The following IFT20 variants were observed in gnomAD, a reference collection of about 807,000 sequenced individuals.
IFT20 encodes intraflagellar transport protein 20 homolog.
Under a neutral mutation model 16.9 loss-of-function variants are expected in IFT20, and 4 were observed. That is an observed-to-expected ratio of 0.24 (90% CI 0.12 to 0.54). The LOEUF (loss-of-function observed/expected upper bound fraction) is 0.54. IFT20 is among the 20% of genes least tolerant of loss of function. IFT20 has a pLI of 0.95. For synonymous variants in IFT20, 48 were observed against 49.9 expected (o/e 0.96, Z 0.16); for missense variants, 154 against 149.7 (o/e 1.03, Z -0.15).
chr17:28,331,155 C>T (rs138903282), intron 2 of IFT20, among the ~76,000 whole-genome samples: 1 of 152,344 alleles, frequency 6.6e-6, no homozygotes, highest in Non-Finnish European at 1.5e-5. Context: ...GCATTAAGTG[C>T]CTAATCTCCC....
At chr17:28,334,444 A>G (rs1416835859) in intron 1 of IFT20, among the ~76,000 whole-genome samples, 1 of 152,252 alleles carries the variant, frequency 6.6e-6, no homozygotes, top group Non-Finnish European at 1.5e-5. Flanking sequence ...ACAGGGAGAC[A>G]ACAGCTGGAT....
chr17:28,334,291 T>C (rs1906985913), intron 1 of IFT20, among the ~76,000 whole-genome samples: 1 of 152,156 alleles, frequency 6.6e-6, no homozygotes, highest in South Asian at 2.1e-4. Flanking sequence ...ACCTAAAGAC[T>C]GTCCAAAAGT....
In IFT20 at chr17:28,328,726, C is replaced by A; in HGVS notation, c.325G>T (p.Val109Phe). ...EKKMQLERYR[V>F]EYEALCKVEA... is the part of the protein sequence containing the mutation. The stretch of plus-strand genomic sequence containing the variant: ...ACTTTACACAAAGCTTCATATTCAA[C>A]CCGATACCTGAAAAACAAAATTGTT... Residue 109 changes from valine to phenylalanine, a missense_variant, in exon 5 of 5, where the codon GTT becomes TTT. Transcript: ENST00000395418. 6.3e-7 allele frequency: 1 copy of A among 1,592,424 alleles called. No individual in the cohort carries two copies. The highest frequency in any genetic ancestry group is 1.4e-5 in the African/African-American group (1 of 73,714).
At chr17:28,330,274 T>C (rs1555576311) in intron 3 of IFT20, 169 bp downstream of exon 3, 1 of 635,640 alleles carries the variant, frequency 1.6e-6, no homozygotes, top group Admixed American at 2.9e-5. Context: ...GAAATAAAGA[T>C]TGGCAAAAGT....
At position 28,331,840 on chromosome 17, in the gene IFT20, G is replaced by GT. The variant is rs1906803864; in HGVS notation, c.127+18dup. On this transcript the variant is annotated intron_variant, in intron 2 of 4. Transcript: ENST00000395418. The stretch of plus-strand genomic sequence containing the variant: ...TGGCAGCTCAAAGCTGAGTGGCACT[G>GT]TATCTCCCCAATACTCACTGTCCAC... 7 of 1,614,132 alleles carry GT rather than the reference G, an allele frequency of 4.3e-6. No homozygotes were observed. The highest frequency in any genetic ancestry group is 5.9e-6 in the Non-Finnish European group (7 of 1,179,974).
intron 3 of IFT20, chr17:28,330,042 G>A (rs1386351810): frequency 5.1e-5 from 25 of 488,500 alleles, no homozygotes; most frequent in African/African-American, 3.2e-4. Flanking sequence ...CCTGGGCAAC[G>A]AGAGAAAACT....
At position 28,331,873 on chromosome 17, in the gene IFT20, T is replaced by C. The variant is rs782532935; in HGVS notation, c.113A>G (p.Lys38Arg). The C allele has an allele frequency of 2.5e-6, 4 of 1,614,186 alleles. No individual in the cohort carries two copies. Among genetic ancestry groups the C allele is most frequent in the East Asian group, 2.2e-5 (1 of 44,874 alleles). Reference protein sequence around the residue: ...QQTIELKEECKDFVDKIGQFQ... With the variant: ...QQTIELKEECRDFVDKIGQFQ... ...CCAATACTCACTGTCCACAAAGTCT[T>C]TGCACTCTTCCTTCAGCTCTATGGT... Residue 38 changes from lysine to arginine, a missense_variant, in exon 2 of 5, where the codon AAA (lysine) becomes AGA (arginine). By Grantham distance (26) the Lys-to-Arg change is conservative. Coordinates refer to ENST00000395418, the MANE Select transcript of IFT20 (RefSeq NM_001267776.2).
At chr17:28,330,057 C>G (rs1453392034) in intron 3 of IFT20, 74 of 488,384 alleles carry the variant, frequency 1.5e-4, no homozygotes, top group Non-Finnish European at 2.6e-4. Flanking sequence ...AAAACTCCGT[C>G]TCAAAAAAAA....
In IFT20 at chr17:28,335,325, C is replaced by G. The variant is rs149487799; in HGVS notation, c.-3+15G>C. 2 of 152,410 alleles carry G rather than the reference C, an allele frequency of 1.3e-5. No individual in the cohort carries two copies. Among genetic ancestry groups the G allele is most frequent in the Non-Finnish European group, 2.9e-5 (2 of 68,100 alleles). 9.4% of individuals were successfully genotyped at this position (152,410 alleles called of 1,614,324 possible). A position where few individuals can be genotyped will look rare whatever the true frequency, so the allele number is the denominator to read the frequency against. On this transcript the variant is annotated intron_variant, in intron 1 of 4. Coordinates refer to ENST00000395418, the MANE Select transcript of IFT20 (RefSeq NM_001267776.2). ...CCCTGGTCCGCCCGCGTCCCCCGAC[C>G]CGAGGTCAGCCTACCTGCCGGCCCC...
intron 3 of IFT20, 185 bp downstream of exon 3, chr17:28,330,250 AATAAAGAT>A (rs1906672935): frequency 4.9e-6 from 3 of 612,034 alleles, no homozygotes; most frequent in Non-Finnish European, 8.7e-6. Flanking sequence ...AAAAAAAAAA[AATAAAGAT>A]TAAAGGAAAT....
intron 1 of IFT20, chr17:28,332,670 T>TA (rs1399652633): frequency 6.4e-6 from 1 of 156,162 alleles, no homozygotes; most frequent in Non-Finnish European, 1.4e-5. Flanking sequence ...GTAAGAATAT[T>TA]ACTCAAAACG....
In IFT20 at chr17:28,328,622, C is replaced by G; in HGVS notation, c.*30G>C. The G allele has an allele frequency of 3.4e-6, 5 of 1,484,170 alleles. No homozygotes were observed. Among genetic ancestry groups the G allele is most frequent in the Non-Finnish European group, 4.6e-6 (5 of 1,078,868 alleles). 91.9% of individuals were successfully genotyped at this position (1,484,170 alleles called of 1,614,324 possible). The stretch of plus-strand genomic sequence containing the variant: ...TTTTGAGAGGCTTTTTTTTGTTTTG[C>G]CTTCCTACTATAAAAGCGAAATTTT... On this transcript the variant is annotated 3_prime_UTR_variant, in exon 5 of 5. Transcript: ENST00000395418.
intron 2 of IFT20, 120 bp downstream of exon 2, chr17:28,331,739 G>T: frequency 2.3e-6 from 3 of 1,302,276 alleles, no homozygotes; most frequent in Non-Finnish European, 3.3e-6. Flanking sequence ...GGAACTCACA[G>T]ACGCCAGATT....
At chr17:28,328,863 G>A in intron 4 of IFT20, 130 bp from the exon 5 acceptor site, 2 of 710,316 alleles carry the variant, frequency 2.8e-6, no homozygotes, top group Non-Finnish European at 4.9e-6. Context: ...AAGAAAGAAA[G>A]AGGCAAAGCC....
intron 3 of IFT20, chr17:28,330,078 A>G: frequency 1.8e-6 from 1 of 549,594 alleles, no homozygotes; most frequent in Non-Finnish European, 3.2e-6. Context: ...AAAAAAAAAT[A>G]CAAAAACCTC....
intron 4 of IFT20, 24 bp downstream of exon 4, chr17:28,329,148 CT>C: frequency 6.6e-7 from 1 of 1,504,738 alleles, no homozygotes; most frequent in Non-Finnish European, 9.2e-7. Flanking sequence ...GTGTAAAGAA[CT>C]TGCTTTACAT....
intron 3 of IFT20, chr17:28,329,542 G>A: frequency 2.5e-6 from 1 of 396,568 alleles, no homozygotes; most frequent in Non-Finnish European, 4.5e-6. Context: ...GTGCCATTCA[G>A]CCTTGTGCCT....
rs575428898 is a variant in IFT20, at chr17:28,331,853, A to G, written c.127+6T>C. ...CTGAGTGGCACTGTATCTCCCCAAT[A>G]CTCACTGTCCACAAAGTCTTTGCAC... On this transcript the variant is annotated splice_donor_region_variant and intron_variant, in intron 2 of 4. Coordinates refer to ENST00000395418, the MANE Select transcript of IFT20 (RefSeq NM_001267776.2). 4 of 1,613,938 alleles carry G rather than the reference A, an allele frequency of 2.5e-6. No individual in the cohort carries two copies. In the African/African-American group the frequency reaches 4.0e-5, roughly 16 times the overall value.
intron 2 of IFT20, among the ~76,000 whole-genome samples, 159 bp from the exon 3 acceptor site, chr17:28,330,687 C>T (rs1470292846): frequency 2.6e-5 from 4 of 152,008 alleles, no homozygotes; most frequent in Admixed American, 2.6e-4. Context: ...ACTGTAGTCC[C>T]AGCTACTCAG....
Sources: gnomAD v4.1 joint callset for allele counts (sites outside exome capture counted in the v4.1 genomes callset) on GRCh38, gnomAD v4.1.1 for gene constraint, MANE v1.5 for transcripts, NCBI Gene and HGNC (gene_info 2026-07-23, HGNC 2026-07-21) for gene names.